The following C1QTNF4 variants were observed in gnomAD, a reference collection of about 807,000 sequenced individuals.
The protein encoded by C1QTNF4 is complement C1q tumor necrosis factor-related protein 4.
Under a neutral mutation model 14.6 loss-of-function variants are expected in C1QTNF4, and 12 were observed. The ratio of observed to expected loss-of-function variants is 0.82; its 90% confidence interval spans 0.53 to 1.33. The LOEUF is 1.33. C1QTNF4 is among the 40% of genes most tolerant of loss of function. C1QTNF4 has a pLI of 0.00. For missense variants in C1QTNF4, 558 were observed against 500.3 expected, an observed-to-expected ratio of 1.12 and a Z score of -1.10; for synonymous variants, 278 against 246.6, an observed-to-expected ratio of 1.13 and a Z score of -1.19.
In C1QTNF4 at chr11:47,590,186, T is replaced by C. The variant is rs2097274457; in HGVS notation, c.625A>G (p.Asn209Asp). The C allele has an allele frequency of 6.3e-7, 1 of 1,595,038 alleles. No individual in the cohort carries two copies. Among genetic ancestry groups the C allele is most frequent in the Non-Finnish European group, 8.5e-7 (1 of 1,173,484 alleles). The change falls in exon 2 of 2, where the codon AAC becomes GAC. Residue 209 changes from asparagine to aspartate, a missense_variant. By Grantham distance (23) the Asn-to-Asp change is conservative. Transcript: ENST00000302514. ...GCCGCGTCGAAGTCGCCGCCAATGTTGACGAACTCGGTGTCGAAGGCGAGT... is the reference window on the plus strand; with the variant it reads ...GCCGCGTCGAAGTCGCCGCCAATGTCGACGAACTCGGTGTCGAAGGCGAGT... ...QPLAFDTEFVNIGGDFDAAAG... is the reference protein window; with the variant it reads ...QPLAFDTEFVDIGGDFDAAAG...
intron 1 of C1QTNF4, among the ~76,000 whole-genome samples, chr11:47,592,537 G>A (rs1055676614): frequency 3.9e-5 from 6 of 152,168 alleles, no homozygotes; most frequent in Non-Finnish European, 8.8e-5. Context: ...ACCCCTGAGA[G>A]CTTGGTGAAG....
At chr11:47,593,040 G>T (rs1046458700) in intron 1 of C1QTNF4, among the ~76,000 whole-genome samples, 1 of 152,252 alleles carries the variant, frequency 6.6e-6, no homozygotes, top group Non-Finnish European at 1.5e-5. Flanking sequence ...CAAGTGTCCA[G>T]TGCATTCCCT....
In C1QTNF4 at chr11:47,590,519, G is replaced by A. The variant is rs1292598047; in HGVS notation, c.292C>T (p.Arg98Cys). Residue 98 changes from arginine (R) to cysteine (C), a missense_variant, in exon 2 of 2, where the codon CGC becomes TGC. Arg to Cys is a radical substitution (Grantham distance 180, BLOSUM62 -3). Transcript: ENST00000302514. ...KSLSVMLVRN[R>C]DEVQALAFDE... ...AAGGCCAGCGCCTGCACCTCGTCGCGGTTTCGCACCAGCATCACCGACAGG... is the reference window on the plus strand; with the variant it reads ...AAGGCCAGCGCCTGCACCTCGTCGCAGTTTCGCACCAGCATCACCGACAGG... 4 of 1,584,910 alleles carry A rather than the reference G, an allele frequency of 2.5e-6. No homozygotes were observed. The highest frequency in any genetic ancestry group is 3.3e-4 in the Middle Eastern group (2 of 6,048).
rs546482481 is a variant in C1QTNF4, at chr11:47,590,389, T to C, written c.422A>G (p.Gln141Arg). The change falls in exon 2 of 2, where the codon CAG becomes CGG. Residue 141 changes from glutamine (Q) to arginine (R), a missense_variant. Gln to Arg is a conservative substitution (Grantham distance 43). Coordinates refer to ENST00000302514, the MANE Select transcript of C1QTNF4 (RefSeq NM_031909.3). ...GGCGCCGGGCGCGCCTAGCGCGTAC[T>C]GCGGGGCGCCATGCAGCCGCAGCCA... Reference protein sequence around the residue: ...TVWLRLHGAPQYALGAPGATF... With the variant: ...TVWLRLHGAPRYALGAPGATF... 8.2e-6 allele frequency: 12 copies of C among 1,467,586 alleles called. 1 individual carries two copies. In the African/African-American group the frequency reaches 8.6e-5, roughly 11 times the overall value. 90.9% of individuals were successfully genotyped at this position (1,467,586 alleles called of 1,614,324 possible).
chr11:47,590,214 T>C lies in C1QTNF4; in HGVS notation c.597A>G (p.Gln199=), dbSNP rs201337706. 1.4e-4 allele frequency: 216 copies of C among 1,563,742 alleles called. No individual in the cohort carries two copies. The highest frequency in any genetic ancestry group is 1.7e-4 in the Non-Finnish European group (203 of 1,160,222). ...GSDAGPGPRH[Q]PLAFDTEFVN... is the part of the protein sequence containing the mutation. The stretch of plus-strand genomic sequence containing the variant: ...CGAACTCGGTGTCGAAGGCGAGTGG[T>C]TGGTGCCGCGGCCCGGGGCCAGCGT... The change falls in exon 2 of 2, where the codon CAA becomes CAG. Residue 199 remains glutamine (Q), a synonymous_variant. Coordinates refer to ENST00000302514, the MANE Select transcript of C1QTNF4 (RefSeq NM_031909.3).
chr11:47,590,338 G>T lies in C1QTNF4; in HGVS notation c.473C>A (p.Ala158Asp). ...GATFSGYLVY[A>D]DADADAPARG... ...CGCAGGCGCGTCAGCGTCGGCGTCG[G>T]CGTAGACTAGGTAGCCGCTGAAGGT... The change falls in exon 2 of 2, where the codon GCC becomes GAC. Residue 158 changes from alanine to aspartate, a missense_variant. Physicochemically the swap from Ala to Asp is moderately radical, Grantham distance 126. Coordinates refer to ENST00000302514, the MANE Select transcript of C1QTNF4 (RefSeq NM_031909.3). 1 of 1,340,656 alleles carries T rather than the reference G, an allele frequency of 7.5e-7. No individual in the cohort carries two copies. The highest frequency in any genetic ancestry group is 9.5e-7 in the Non-Finnish European group (1 of 1,052,044). 83.0% of individuals were successfully genotyped at this position (1,340,656 alleles called of 1,614,324 possible). A position where few individuals can be genotyped will look rare whatever the true frequency, so the allele number is the denominator to read the frequency against.
At chr11:47,595,040 C>G (rs550408145), upstream of C1QTNF4, among the ~76,000 whole-genome samples, 31 of 152,100 alleles carry the variant, frequency 2.0e-4, no homozygotes, top group African/African-American at 7.5e-4. Flanking sequence ...ATTGAGAGGG[C>G]AATAGGTGGG....
intron 1 of C1QTNF4, among the ~76,000 whole-genome samples, chr11:47,593,910 C>T (rs2153796239): frequency 6.6e-6 from 1 of 152,190 alleles, no homozygotes; most frequent in African/African-American, 2.4e-5. Flanking sequence ...CAAGAAGTCC[C>T]ACTTTCACAG....
intron 1 of C1QTNF4, among the ~76,000 whole-genome samples, chr11:47,591,786 C>A (rs1458071389): frequency 6.6e-6 from 1 of 152,244 alleles, no homozygotes; most frequent in African/African-American, 2.4e-5. Flanking sequence ...CCCTACACCT[C>A]CCATTTGACA....
rs1281154790 is a variant in C1QTNF4, at chr11:47,590,639, C to G, written c.172G>C (p.Gly58Arg). The G allele has an allele frequency of 1.2e-6, 2 of 1,611,378 alleles. No homozygotes were observed. The highest frequency in any genetic ancestry group is 2.2e-5 in the East Asian group (1 of 44,758). Residue 58 changes from glycine to arginine, a missense_variant, in exon 2 of 2, where the codon GGG (glycine) becomes CGG (arginine). Coordinates refer to ENST00000302514, the MANE Select transcript of C1QTNF4 (RefSeq NM_031909.3). ...VTFDKVYVNI[G>R]GDFDVATGQF... is the part of the protein sequence containing the mutation. ...CCGGTGGCCACATCGAAGTCGCCCC[C>G]GATGTTCACGTACACCTTGTCGAAG...
chr11:47,589,863 GGCGA>G lies in C1QTNF4; in HGVS notation c.944_947del (p.Leu315ProfsTer54). 1.3e-6 allele frequency: 2 copies of G among 1,550,970 alleles called. No individual in the cohort carries two copies. Reference sequence around the variant, plus strand: ...CCCCGAGGCCCGGCGGGGCGGCGGGGGCGAGGTCGGGGTACACCAGGAAGCCGGA... The same window carrying G: ...CCCCGAGGCCCGGCGGGGCGGCGGGGGGTCGGGGTACACCAGGAAGCCGGA... On this transcript the variant is annotated frameshift_variant, in exon 2 of 2. Coordinates refer to ENST00000302514, the MANE Select transcript of C1QTNF4 (RefSeq NM_031909.3). LOFTEE classifies it low-confidence loss of function (END_TRUNC).
Position 47,590,336 on chromosome 11 carries a change from C to T in C1QTNF4, c.475G>A (p.Asp159Asn), listed in dbSNP as rs1174050200. The change falls in exon 2 of 2, where the codon GAC (aspartate) becomes AAC (asparagine). Residue 159 changes from aspartate to asparagine, a missense_variant. Transcript: ENST00000302514. ...ATFSGYLVYA[D>N]ADADAPARGP... is the part of the protein sequence containing the mutation. ...CGCGCAGGCGCGTCAGCGTCGGCGTCGGCGTAGACTAGGTAGCCGCTGAAG... is the reference window on the plus strand; with the variant it reads ...CGCGCAGGCGCGTCAGCGTCGGCGTTGGCGTAGACTAGGTAGCCGCTGAAG... 33 of 1,309,714 alleles carry T rather than the reference C, an allele frequency of 2.5e-5. No individual in the cohort carries two copies. Among genetic ancestry groups the T allele is most frequent in the Non-Finnish European group, 3.2e-5 (33 of 1,032,686 alleles). 81.1% of individuals were successfully genotyped at this position (1,309,714 alleles called of 1,614,324 possible).
intron 1 of C1QTNF4, among the ~76,000 whole-genome samples, 168 bp from the exon 2 acceptor site, chr11:47,590,983 G>C (rs959845324): frequency 6.6e-6 from 1 of 152,210 alleles, no homozygotes; most frequent in Non-Finnish European, 1.5e-5. Context: ...GAGCCTCACT[G>C]TCACTTGGAG....
At position 47,589,857 on chromosome 11, in the gene C1QTNF4, G is replaced by A. The variant is rs1162037370; in HGVS notation, c.954C>T (p.Ala318=). The A allele has an allele frequency of 3.9e-6, 6 of 1,549,296 alleles. No individual in the cohort carries two copies. Among genetic ancestry groups the A allele is most frequent in the Non-Finnish European group, 5.2e-6 (6 of 1,145,450 alleles). Residue 318 remains alanine, a synonymous_variant, in exon 2 of 2, where the codon GCC becomes GCT. Coordinates refer to ENST00000302514, the MANE Select transcript of C1QTNF4 (RefSeq NM_031909.3). ...CCGAGGCCCCGAGGCCCGGCGGGGC[G>A]GCGGGGGCGAGGTCGGGGTACACCA... ...GFLVYPDLAP[A]APPGLGASEL...
chr11:47,593,639 G>C (rs1365938557), intron 1 of C1QTNF4, among the ~76,000 whole-genome samples: 7 of 152,130 alleles, frequency 4.6e-5, no homozygotes, highest in Non-Finnish European at 8.8e-5. Flanking sequence ...GGGTGTGTCA[G>C]GTGGGTGTCA....
Position 47,589,790 on chromosome 11 carries a change from G to A in C1QTNF4, c.*31C>T. ...GGCCCGGCCTGGCATGCACGCCCCT[G>A]GCCCTCCCGGGCTCTTCTCTGGCCC... On this transcript the variant is annotated 3_prime_UTR_variant, in exon 2 of 2. Transcript: ENST00000302514. 2 of 1,475,320 alleles carry A rather than the reference G, an allele frequency of 1.4e-6. No individual in the cohort carries two copies. Among genetic ancestry groups the A allele is most frequent in the Non-Finnish European group, 1.8e-6 (2 of 1,112,844 alleles). 91.4% of individuals were successfully genotyped at this position (1,475,320 alleles called of 1,614,324 possible).
Position 47,589,828 on chromosome 11 carries a change from AGCTCCGAG to A in C1QTNF4, c.975_982del (p.Ser326ThrfsTer?). The A allele has an allele frequency of 1.4e-5, 21 of 1,538,196 alleles. No individual in the cohort carries two copies. The highest frequency in any genetic ancestry group is 1.8e-5 in the Non-Finnish European group (20 of 1,140,124). Reference sequence around the variant, plus strand: ...TCTTCTCTGGCCCGGGGCTCACAGTAGCTCCGAGGCCCCGAGGCCCGGCGGGGCGGCGG... The same window carrying A: ...TCTTCTCTGGCCCGGGGCTCACAGTAGCCCCGAGGCCCGGCGGGGCGGCGG... On this transcript the variant is annotated frameshift_variant, in exon 2 of 2. Coordinates refer to ENST00000302514, the MANE Select transcript of C1QTNF4 (RefSeq NM_031909.3). LOFTEE classifies it high-confidence loss of function.
Position 47,590,678 on chromosome 11 carries a change from C to T in C1QTNF4, c.133G>A (p.Glu45Lys). The T allele has an allele frequency of 9.3e-6, 15 of 1,611,690 alleles. No individual in the cohort carries two copies. The highest frequency in any genetic ancestry group is 1.2e-5 in the Non-Finnish European group (14 of 1,179,490). ...ARTTPLEGTS[E>K]MAVTFDKVYV... ...ACCTTGTCGAAGGTCACCGCCATCT[C>T]CGACGTGCCCTCCAGGGGGGTGGTG... Residue 45 changes from glutamate (E) to lysine (K), a missense_variant, in exon 2 of 2, where the codon GAG becomes AAG. By Grantham distance (56) the Glu-to-Lys change is moderately conservative. Transcript: ENST00000302514.
At chr11:47,593,254 A>G (rs997378182) in intron 1 of C1QTNF4, among the ~76,000 whole-genome samples, 2 of 152,164 alleles carry the variant, frequency 1.3e-5, no homozygotes, top group Non-Finnish European at 2.9e-5. Context: ...TGTCCAGCCA[A>G]TTTGTTCTGT....
Sources: allele counts gnomAD v4.1 joint callset (sites outside exome capture counted in the v4.1 genomes callset), GRCh38; gene constraint gnomAD v4.1.1; transcripts MANE v1.5; gene names NCBI Gene and HGNC (gene_info 2026-07-23, HGNC 2026-07-21).